PALM2AKAP2: variants seen among roughly 807,000 people sequenced by gnomAD.
PALM2AKAP2 encodes PALM2 and AKAP2 fusion.
In PALM2AKAP2, 37 loss-of-function variants were observed where a neutral mutation model predicts 71.5. The ratio of observed to expected loss-of-function variants is 0.52; its 90% CI spans 0.40 to 0.68. PALM2AKAP2 has a LOEUF of 0.68. PALM2AKAP2 is among the 30% of genes least tolerant of loss of function. The probability of loss-of-function intolerance (pLI) is 0.00; values close to 1 mark genes in which losing one functional copy is unlikely to be tolerated. For missense variants in PALM2AKAP2, 1,224 were observed against 1,191.8 expected, an observed-to-expected ratio of 1.03 and a Z score of -0.40; for synonymous variants, 468 against 478.8, an observed-to-expected ratio of 0.98 and a Z score of 0.29.
At chr9:110,146,690 C>T (rs1370407639) in intron 2 of PALM2AKAP2, among the ~76,000 whole-genome samples, 1 of 152,086 alleles carries the variant, frequency 6.6e-6, no homozygotes, top group Non-Finnish European at 1.5e-5. Context: ...GCCATAGTTA[C>T]TTGCTGTGTA....
chr9:109,738,598 G>A (rs904186887), intron 1 of PALM2AKAP2, among the ~76,000 whole-genome samples: 10 of 152,188 alleles, frequency 6.6e-5, no homozygotes, highest in African/African-American at 2.2e-4. Context: ...GAAAGCATTA[G>A]GATCTGAATC....
intron 1 of PALM2AKAP2, among the ~76,000 whole-genome samples, chr9:109,767,686 G>A (rs1227089104): frequency 6.6e-6 from 1 of 152,116 alleles, no homozygotes; most frequent in Non-Finnish European, 1.5e-5. Flanking sequence ...CTTCATTCGG[G>A]GCTGTCTGAT....
intron 1 of PALM2AKAP2, among the ~76,000 whole-genome samples, chr9:110,114,766 C>T (rs909769845): frequency 6.6e-6 from 1 of 152,184 alleles, no homozygotes; most frequent in Non-Finnish European, 1.5e-5. Flanking sequence ...AGAGGCTTTG[C>T]AAGCAAATGG....
chr9:109,841,534 G>C (rs1194419890), intron 1 of PALM2AKAP2, among the ~76,000 whole-genome samples: 1 of 59,288 alleles, frequency 1.7e-5, no homozygotes, highest in African/African-American at 7.3e-5. Flanking sequence ...AAAAGAAAAA[G>C]GGTGGAGAGA....
At chr9:110,150,563 A>G (rs1836285185) in intron 2 of PALM2AKAP2, among the ~76,000 whole-genome samples, 1 of 152,286 alleles carries the variant, frequency 6.6e-6, no homozygotes, top group African/African-American at 2.4e-5. Flanking sequence ...TAGCTTTCCC[A>G]TCTCAAGTAC....
At chr9:110,056,554 A>G (rs117327385) in intron 1 of PALM2AKAP2, among the ~76,000 whole-genome samples, 120 of 152,368 alleles carry the variant, frequency 7.9e-4, no homozygotes, top group Non-Finnish European at 1.2e-3. Context: ...TTCTAAAGCC[A>G]TATTTTAGCT....
chr9:110,086,330 G>T (rs1349280404), intron 1 of PALM2AKAP2, among the ~76,000 whole-genome samples: 1 of 152,170 alleles, frequency 6.6e-6, no homozygotes, highest in African/African-American at 2.4e-5. Flanking sequence ...AGTATAAAAG[G>T]TCTGAGAGAT....
intron 1 of PALM2AKAP2, among the ~76,000 whole-genome samples, chr9:109,722,540 G>C (rs570054957): frequency 6.6e-6 from 1 of 152,330 alleles, no homozygotes; most frequent in Non-Finnish European, 1.5e-5. Flanking sequence ...GGTAGGCTGA[G>C]ATAGGCGGGT....
intron 5 of PALM2AKAP2, among the ~76,000 whole-genome samples, chr9:109,927,853 T>C (rs779261918): frequency 6.6e-6 from 1 of 152,192 alleles, no homozygotes; most frequent in Non-Finnish European, 1.5e-5. Flanking sequence ...AAATTGCATA[T>C]AGTATATATC....
chr9:109,896,226 T>A (rs1003253895), intron 3 of PALM2AKAP2, among the ~76,000 whole-genome samples: 15 of 152,026 alleles, frequency 9.9e-5, no homozygotes, highest in Non-Finnish European at 1.8e-4. Context: ...TTAGATCTCA[T>A]GAGAACTCAC....
chr9:109,733,034 A>G (rs992519835), intron 1 of PALM2AKAP2, among the ~76,000 whole-genome samples: 9 of 152,172 alleles, frequency 5.9e-5, no homozygotes, highest in Non-Finnish European at 1.3e-4. Context: ...GAGAGGCTCA[A>G]GTTAGGGGTT....
intron 7 of PALM2AKAP2, among the ~76,000 whole-genome samples, chr9:110,019,238 C>CAAA (rs769230271): frequency 3.6e-4 from 17 of 47,812 alleles, no homozygotes; most frequent in East Asian, 1.1e-3. Context: ...GACTCTGTCT[C>CAAA]AAAAAAAAAA....
intron 1 of PALM2AKAP2, among the ~76,000 whole-genome samples, chr9:109,651,576 T>C (rs1433936535): frequency 6.6e-6 from 1 of 152,236 alleles, no homozygotes; most frequent in African/African-American, 2.4e-5. Context: ...CTGAAAGTCT[T>C]ATGAGAACCC....
At chr9:110,138,531 C>T in exon 2 of PALM2AKAP2, 1 of 1,599,110 alleles carries the variant, frequency 6.3e-7, no homozygotes. Flanking sequence ...TGCTACAAAA[C>T]TGCTCCAGGT....
chr9:109,907,974 C>T (rs1035155764), intron 3 of PALM2AKAP2, among the ~76,000 whole-genome samples: 3 of 152,200 alleles, frequency 2.0e-5, no homozygotes, highest in Admixed American at 6.5e-5. Context: ...CCGTCCATGG[C>T]TCAAAGGTCA....
intron 6 of PALM2AKAP2, among the ~76,000 whole-genome samples, chr9:109,935,980 A>T (rs1477711712): frequency 1.3e-5 from 2 of 152,240 alleles, no homozygotes; most frequent in African/African-American, 2.4e-5. Flanking sequence ...TGCCTTTATT[A>T]TCCATCAACA....
At chr9:109,995,540 C>T (rs745379473) in intron 6 of PALM2AKAP2, among the ~76,000 whole-genome samples, 2 of 152,220 alleles carry the variant, frequency 1.3e-5, no homozygotes, top group Non-Finnish European at 2.9e-5. Flanking sequence ...GCCTCACAAT[C>T]ATGACAGAAG....
At chr9:109,804,943 T>C (rs1294965077) in intron 1 of PALM2AKAP2, among the ~76,000 whole-genome samples, 1 of 152,254 alleles carries the variant, frequency 6.6e-6, no homozygotes, top group Non-Finnish European at 1.5e-5. Context: ...AAAGATTTTA[T>C]ATATTTGTAG....
intron 7 of PALM2AKAP2, among the ~76,000 whole-genome samples, chr9:110,027,921 C>T (rs192159657): frequency 6.6e-6 from 1 of 151,984 alleles, no homozygotes; most frequent in Non-Finnish European, 1.5e-5. Flanking sequence ...GGACTCTGGA[C>T]AAAAAAGAGA....
Sources: allele counts gnomAD v4.1 joint callset (sites outside exome capture counted in the v4.1 genomes callset), GRCh38; gene constraint gnomAD v4.1.1; transcripts MANE v1.5; gene names NCBI Gene and HGNC (gene_info 2026-07-23, HGNC 2026-07-21).